GXYLT2: variants seen among roughly 807,000 people sequenced by gnomAD.
GXYLT2 encodes glucoside xylosyltransferase 2.
A neutral mutation model predicts 45.8 loss-of-function variants in GXYLT2; 53 were observed. The ratio of observed to expected loss-of-function variants is 1.16; its 90% CI spans 0.93 to 1.46. The LOEUF (loss-of-function observed/expected upper bound fraction) is 1.46. Among genes scored for constraint, GXYLT2 ranks in the 40% most tolerant of loss-of-function variants. GXYLT2 has a pLI of 0.00. For missense variants in GXYLT2, 551 were observed against 544.4 expected (o/e 1.01, Z -0.12); for synonymous variants, 219 against 214.2 (o/e 1.02, Z -0.19).
chr3:72,953,658 A>G (rs532359150), intron 3 of GXYLT2, among the ~76,000 whole-genome samples: 2 of 152,278 alleles, frequency 1.3e-5, no homozygotes, highest in South Asian at 4.1e-4. Context: ...TCATGTTACA[A>G]CAGCAGATTT....
intron 3 of GXYLT2, among the ~76,000 whole-genome samples, chr3:72,952,672 C>G (rs1710550094): frequency 6.6e-6 from 1 of 152,112 alleles, no homozygotes; most frequent in Non-Finnish European, 1.5e-5. Flanking sequence ...GAGCCTCTTC[C>G]TGGCTTGCAA....
chr3:72,918,646 G>A (rs1056078028), intron 2 of GXYLT2, among the ~76,000 whole-genome samples: 8 of 151,966 alleles, frequency 5.3e-5, no homozygotes, highest in Non-Finnish European at 5.9e-5. Flanking sequence ...GAAACATGGC[G>A]AAACCCCATC....
chr3:72,940,220 C>T (rs1241311482), intron 3 of GXYLT2, among the ~76,000 whole-genome samples: 2 of 152,136 alleles, frequency 1.3e-5, no homozygotes, highest in African/African-American at 4.8e-5. Context: ...TAAACATTTA[C>T]ACATACAACC....
Position 72,969,925 on chromosome 3 carries a change from A to AAAAAC in GXYLT2, c.1149+2208_1149+2209insAACAA, listed in dbSNP as rs1424168121. 1.5e-3 allele frequency among the ~76,000 whole-genome samples: 232 copies of AAAAAC among 150,944 alleles called. 3 individuals are homozygous for AAAAAC. The highest frequency in any genetic ancestry group is 2.7e-3 in the Non-Finnish European group (181 of 67,792). On this transcript the variant is annotated intron_variant, in intron 6 of 6. Transcript: ENST00000389617. ...TGTGCATTTGAAAAAAAAAAAACAA[A>AAAAAC]AACATTTAAGGCCCAGCACAGTGAC...
intron 5 of GXYLT2, among the ~76,000 whole-genome samples, chr3:72,961,176 C>G (rs915812448): frequency 2.0e-5 from 3 of 152,120 alleles, no homozygotes; most frequent in Admixed American, 2.0e-4. Context: ...GCCAACGCAG[C>G]TTCATCAAGG....
intron 1 of GXYLT2, among the ~76,000 whole-genome samples, chr3:72,903,224 A>G (rs11128299): frequency 1 from 151,988 of 152,322 alleles, 75,829 homozygotes; most frequent in East Asian, 1. Context: ...TTAGGAGGCA[A>G]TAGGTCTTAC....
intron 1 of GXYLT2, among the ~76,000 whole-genome samples, chr3:72,900,800 G>A (rs1412781237): frequency 1.3e-5 from 2 of 148,470 alleles, no homozygotes; most frequent in Non-Finnish European, 3.0e-5. Flanking sequence ...AATGTTAAGT[G>A]CATTAATGTA....
At chr3:72,938,985 G>A (rs1305257992) in intron 3 of GXYLT2, among the ~76,000 whole-genome samples, 1 of 152,112 alleles carries the variant, frequency 6.6e-6, no homozygotes, top group African/African-American at 2.4e-5. Context: ...CATGACATTG[G>A]TACACCCTGC....
In GXYLT2 at chr3:72,888,318, C is replaced by G. The variant is rs944552494; in HGVS notation, c.85C>G (p.Arg29Gly). 119 of 987,328 alleles carry G rather than the reference C, an allele frequency of 1.2e-4. No homozygotes were observed. The highest frequency in any genetic ancestry group is 1.4e-4 in the Non-Finnish European group (119 of 833,464). 61.2% of individuals were successfully genotyped at this position (987,328 alleles called of 1,614,324 possible). The change falls in exon 1 of 7, where the codon CGC becomes GGC. Residue 29 changes from arginine (R) to glycine (G), a missense_variant. By Grantham distance (125) the Arg-to-Gly change is moderately radical (BLOSUM62 -2). Transcript: ENST00000389617. ...LLALLSLRAG[R>G]AEPPALPARP... ...GGCGCTGCTGTCCCTGCGCGCTGGC[C>G]GCGCTGAGCCCCCAGCGCTGCCCGC...
chr3:72,968,734 T>C (rs989076194), intron 6 of GXYLT2, among the ~76,000 whole-genome samples: 6 of 152,164 alleles, frequency 3.9e-5, no homozygotes, highest in African/African-American at 1.4e-4. Context: ...GAGACCAGCC[T>C]GGCCAATATG....
intron 1 of GXYLT2, among the ~76,000 whole-genome samples, chr3:72,907,829 G>T (rs1227987604): frequency 3.3e-5 from 5 of 152,120 alleles, no homozygotes; most frequent in Non-Finnish European, 7.3e-5. Context: ...GGGCGCATAT[G>T]TTGTTTTCTT....
At chr3:72,962,315 G>T (rs377483111) in intron 5 of GXYLT2, among the ~76,000 whole-genome samples, 99 of 152,336 alleles carry the variant, frequency 6.5e-4, no homozygotes, top group Middle Eastern at 6.8e-3. Flanking sequence ...GATAAAAATT[G>T]TATGGTCTGT....
intron 1 of GXYLT2, among the ~76,000 whole-genome samples, chr3:72,894,225 C>T (rs1323375084): frequency 6.6e-6 from 1 of 152,188 alleles, no homozygotes; most frequent in Admixed American, 6.5e-5. Flanking sequence ...AGAATCAAGG[C>T]ATCCTGAGGT....
chr3:72,969,349 C>T (rs1187235811), intron 6 of GXYLT2, among the ~76,000 whole-genome samples: 1 of 149,570 alleles, frequency 6.7e-6, no homozygotes, highest in Non-Finnish European at 1.5e-5. Flanking sequence ...GCTATGATTG[C>T]ACCACTTCAC....
At chr3:72,889,088 C>T (rs1709126610) in intron 1 of GXYLT2, among the ~76,000 whole-genome samples, 2 of 152,144 alleles carry the variant, frequency 1.3e-5, no homozygotes, top group African/African-American at 2.4e-5. Context: ...CTGTTTCAGG[C>T]TCGAGTGTGG....
At chr3:72,895,886 G>T (rs1243774522) in intron 1 of GXYLT2, among the ~76,000 whole-genome samples, 1 of 152,166 alleles carries the variant, frequency 6.6e-6, no homozygotes, top group Non-Finnish European at 1.5e-5. Flanking sequence ...CAACATGAGA[G>T]ACTGTAATCT....
intron 2 of GXYLT2, among the ~76,000 whole-genome samples, chr3:72,921,928 T>C (rs1268085785): frequency 1.3e-5 from 2 of 152,216 alleles, no homozygotes; most frequent in Non-Finnish European, 1.5e-5. Context: ...TTGTTACCAG[T>C]TTCCAAGTTA....
chr3:72,933,548 A>G (rs978955599), intron 3 of GXYLT2, among the ~76,000 whole-genome samples: 4 of 152,220 alleles, frequency 2.6e-5, no homozygotes, highest in Non-Finnish European at 4.4e-5. Context: ...ATATTAAGAA[A>G]AAAGAAAAAT....
At chr3:72,909,614 T>C (rs1475720604) in intron 2 of GXYLT2, among the ~76,000 whole-genome samples, 1 of 152,172 alleles carries the variant, frequency 6.6e-6, no homozygotes, top group Non-Finnish European at 1.5e-5. Flanking sequence ...AGTATTTTAT[T>C]ATGGGGCTGG....
Sources: gnomAD v4.1 joint callset for allele counts (sites outside exome capture counted in the v4.1 genomes callset) on GRCh38, gnomAD v4.1.1 for gene constraint, MANE v1.5 for transcripts, NCBI Gene and HGNC (gene_info 2026-07-23, HGNC 2026-07-21) for gene names.